Variants in PLEKHB2 observed in about 807,000 individuals in gnomAD.
PLEKHB2 encodes the protein pleckstrin homology domain-containing family B member 2.
In PLEKHB2, 31 loss-of-function variants were observed where a neutral mutation model predicts 36.5. The observed-to-expected ratio is 0.85, with a 90% CI of 0.64 to 1.15. PLEKHB2 has a LOEUF of 1.15. Ranked by LOEUF, PLEKHB2 falls within the 50% of genes most tolerant of loss-of-function variation. PLEKHB2 has a pLI of 0.00. For missense variants in PLEKHB2, 262 were observed against 295.3 expected (o/e 0.89, Z 0.83); for synonymous variants, 119 against 112.0 (o/e 1.06, Z -0.39).
chr2:131,134,101 G>C (rs1346632566), intron 6 of PLEKHB2, among the ~76,000 whole-genome samples: 2 of 151,926 alleles, frequency 1.3e-5, no homozygotes, highest in Non-Finnish European at 2.9e-5. Flanking sequence ...GGGTTTCACT[G>C]TGTTAGCCAG....
At chr2:131,113,742 G>C (rs1036715303) in intron 1 of PLEKHB2, among the ~76,000 whole-genome samples, 1 of 152,098 alleles carries the variant, frequency 6.6e-6, no homozygotes, top group Non-Finnish European at 1.5e-5. Flanking sequence ...TGACTTTCAC[G>C]GACTATATTC....
intron 4 of PLEKHB2, among the ~76,000 whole-genome samples, chr2:131,130,337 T>A (rs1697554189): frequency 6.6e-6 from 1 of 152,118 alleles, no homozygotes; most frequent in Non-Finnish European, 1.5e-5. Context: ...AGGCACTACA[T>A]CCGGTCCCCA....
In PLEKHB2 at chr2:131,133,004, C is replaced by G; in HGVS notation, c.423+13C>G. 2 of 1,603,174 alleles carry G rather than the reference C, an allele frequency of 1.2e-6. No homozygotes were observed. The highest frequency in any genetic ancestry group is 1.7e-6 in the Non-Finnish European group (2 of 1,170,058). On this transcript the variant is annotated intron_variant, in intron 6 of 7. Transcript: ENST00000693505. ...ACCGGCCCCTGAGGTAGGGAGAACC[C>G]TGAGCCTCCAGGTGAGGGAAGTTTG...
chr2:131,137,107 C>T (rs563225050), intron 6 of PLEKHB2, among the ~76,000 whole-genome samples: 9 of 151,768 alleles, frequency 5.9e-5, no homozygotes, highest in East Asian at 1.9e-4. Context: ...CCACCACACC[C>T]GGCTAATTTT....
intron 3 of PLEKHB2, 73 bp downstream of exon 3, chr2:131,125,978 C>T (rs1697059814): frequency 7.1e-7 from 1 of 1,417,096 alleles, no homozygotes; most frequent in Admixed American, 1.8e-5. Flanking sequence ...GGTCCTCTTC[C>T]TTCCCTGTTC....
At chr2:131,121,962 G>A (rs960910682) in intron 2 of PLEKHB2, among the ~76,000 whole-genome samples, 1 of 151,900 alleles carries the variant, frequency 6.6e-6, no homozygotes, top group African/African-American at 2.4e-5. Flanking sequence ...GCCCAGGCGC[G>A]ATCTTGGCTC....
chr2:131,108,895 G>A (rs986701340), intron 1 of PLEKHB2, among the ~76,000 whole-genome samples: 4 of 152,156 alleles, frequency 2.6e-5, no homozygotes, highest in African/African-American at 7.2e-5. Context: ...CCAATTTTCC[G>A]AACATCCTGT....
intron 7 of PLEKHB2, among the ~76,000 whole-genome samples, chr2:131,141,774 T>A (rs1004246171): frequency 2.0e-5 from 3 of 152,176 alleles, no homozygotes; most frequent in Non-Finnish European, 4.4e-5. Flanking sequence ...TTGGAAACTG[T>A]TACTTTCCAT....
intron 7 of PLEKHB2, among the ~76,000 whole-genome samples, chr2:131,141,200 A>T (rs1457048928): frequency 6.6e-6 from 1 of 152,178 alleles, no homozygotes; most frequent in Non-Finnish European, 1.5e-5. Context: ...TGCATTTAGC[A>T]CTTAAAATGG....
At chr2:131,141,515 C>T (rs1657903561) in intron 7 of PLEKHB2, among the ~76,000 whole-genome samples, 1 of 151,740 alleles carries the variant, frequency 6.6e-6, no homozygotes, top group Non-Finnish European at 1.5e-5. Flanking sequence ...TGGCGGGCAC[C>T]TATAGTTCCA....
intron 6 of PLEKHB2, among the ~76,000 whole-genome samples, chr2:131,134,658 A>C (rs1271627534): frequency 6.6e-6 from 1 of 152,124 alleles, no homozygotes; most frequent in Non-Finnish European, 1.5e-5. Flanking sequence ...TGGACTGATC[A>C]ACACCCTCTT....
In PLEKHB2 at chr2:131,124,696, G is replaced by T. The variant is rs138874727; in HGVS notation, c.38-1057G>T. 3.4e-3 allele frequency among the ~76,000 whole-genome samples: 518 copies of T among 152,294 alleles called. 4 individuals are homozygous for T. The highest frequency in any genetic ancestry group is 2.3e-3 in the Non-Finnish European group (157 of 68,026). On this transcript the variant is annotated intron_variant, in intron 2 of 7. Coordinates refer to ENST00000693505, the MANE Select transcript of PLEKHB2 (RefSeq NM_001100623.2). ...TTTATCCAGTGTATGCATCAGGAAG[G>T]GGGGAGCCTTCCACACTGTGGGCTT...
intron 6 of PLEKHB2, among the ~76,000 whole-genome samples, chr2:131,136,939 CTTTT>C (rs1231203755): frequency 6.2e-4 from 91 of 147,614 alleles, no homozygotes; most frequent in African/African-American, 2.2e-3. Context: ...TTTTTTCTTT[CTTTT>C]CTTTCTTTTT....
rs1391719496 is a variant in PLEKHB2, at chr2:131,149,474, GAGA to G, written c.*2704_*2706del. 6.6e-6 allele frequency: 1 copy of G among 152,196 alleles called. No individual in the cohort carries two copies. Among genetic ancestry groups the G allele is most frequent in the Non-Finnish European group, 1.5e-5 (1 of 68,036 alleles). 9.4% of individuals were successfully genotyped at this position (152,196 alleles called of 1,614,324 possible). ...CAACTTCAGGGTCTTGGATACTAAA[GAGA>G]AGGAGAACTGTGGTTAATGTTTTGG... On this transcript the variant is annotated 3_prime_UTR_variant, in exon 8 of 8. Transcript: ENST00000693505.
At chr2:131,140,056 GT>G (rs906684590) in intron 6 of PLEKHB2, 110 bp from the exon 7 acceptor site, 30 of 636,262 alleles carry the variant, frequency 4.7e-5, no homozygotes, top group Non-Finnish European at 7.4e-5. Flanking sequence ...GTTTTGTTTT[GT>G]TTTTTTTAAT....
At chr2:131,127,054 G>C in intron 4 of PLEKHB2, 4 of 335,752 alleles carry the variant, frequency 1.2e-5, no homozygotes, top group Middle Eastern at 9.1e-4. Context: ...ATTCACAGTG[G>C]GTAACGGGCA....
intron 6 of PLEKHB2, 106 bp from the exon 7 acceptor site, chr2:131,140,061 T>G (rs1698629276): frequency 1.5e-6 from 1 of 649,838 alleles, no homozygotes; most frequent in Non-Finnish European, 2.7e-6. Context: ...GTTTTGTTTT[T>G]TTTAATTGAC....
intron 1 of PLEKHB2, among the ~76,000 whole-genome samples, chr2:131,106,229 A>G (rs1021159305): frequency 6.6e-6 from 1 of 152,194 alleles, no homozygotes; most frequent in Non-Finnish European, 1.5e-5. Context: ...ACTGTAAAAA[A>G]TTAAAGGAAC....
intron 1 of PLEKHB2, 110 bp downstream of exon 1, chr2:131,105,508 C>T (rs888954211): frequency 2.0e-5 from 3 of 153,468 alleles, no homozygotes; most frequent in Non-Finnish European, 4.3e-5. Flanking sequence ...TGAGGGGACC[C>T]CGCACCGCGC....
Sources: allele counts gnomAD v4.1 joint callset (sites outside exome capture counted in the v4.1 genomes callset), GRCh38; gene constraint gnomAD v4.1.1; transcripts MANE v1.5; gene names NCBI Gene and HGNC (gene_info 2026-07-23, HGNC 2026-07-21).